Variants in BTAF1 observed in about 807,000 individuals in gnomAD.
BTAF1 encodes B-TFIID TATA-box binding protein associated factor 1.
Under a neutral mutation model 227.1 loss-of-function variants are expected in BTAF1, and 38 were observed. The ratio of observed to expected loss-of-function variants is 0.17; its 90% CI spans 0.13 to 0.22. The LOEUF is 0.22. Ranked by LOEUF, BTAF1 falls within the 10% of genes least tolerant of loss-of-function variation. The probability of loss-of-function intolerance (pLI) is 1.00; values close to 1 mark genes in which losing one functional copy is unlikely to be tolerated. For missense variants in BTAF1, 1,598 were observed against 2,204.0 expected, an observed-to-expected ratio of 0.73 and a Z score of 5.51; for synonymous variants, 742 against 751.9, an observed-to-expected ratio of 0.99 and a Z score of 0.21.
chr10:91,927,155 T>C (rs1282769188), intron 1 of BTAF1, among the ~76,000 whole-genome samples: 2 of 140,044 alleles, frequency 1.4e-5, no homozygotes, highest in East Asian at 4.2e-4. Flanking sequence ...TTTTTTTTTT[T>C]GAGACAGAGT....
intron 5 of BTAF1, among the ~76,000 whole-genome samples, chr10:91,951,771 T>A (rs1480990398): frequency 6.6e-6 from 1 of 152,174 alleles, no homozygotes; most frequent in Non-Finnish European, 1.5e-5. Flanking sequence ...TCCCAGACAC[T>A]GGACTGTTAA....
At chr10:91,973,470 T>C (rs980810452) in intron 14 of BTAF1, among the ~76,000 whole-genome samples, 1 of 152,180 alleles carries the variant, frequency 6.6e-6, no homozygotes, top group African/African-American at 2.4e-5. Flanking sequence ...TTCTGGGGTA[T>C]AGGAATGATA....
chr10:91,983,911 A>G (rs894734133), intron 18 of BTAF1, among the ~76,000 whole-genome samples: 1 of 150,366 alleles, frequency 6.7e-6, no homozygotes, highest in Non-Finnish European at 1.5e-5. Context: ...TTTTTACCAT[A>G]ATACACTTTA....
intron 14 of BTAF1, among the ~76,000 whole-genome samples, chr10:91,967,835 T>TA (rs1354963389): frequency 1.3e-5 from 2 of 152,196 alleles, no homozygotes; most frequent in Admixed American, 6.5e-5. Context: ...CCTTTGAAGT[T>TA]ACCAAATTTT....
Position 91,928,760 on chromosome 10 carries a change from T to TCCCC in BTAF1, c.14+4680_14+4683dup, listed in dbSNP as rs60208547. Among the ~76,000 whole-genome samples the TCCCC allele has an allele frequency of 6.9e-3, 766 of 111,734 alleles. 2 individuals carry two copies. The highest frequency in any genetic ancestry group is 0.014 in the African/African-American group (322 of 23,032). The allele number at this position is 111,734 out of a possible 152,430, so 73.3% of individuals were successfully genotyped here. On this transcript the variant is annotated intron_variant, in intron 1 of 37. Transcript: ENST00000265990. ...GCCTGGGCAACAGAGCAAGAATCCA[T>TCCCC]CCCCCCCCCCCCCGCCCCCCAAAAA...
rs556555703 is a variant in BTAF1 at position 91,968,965 on chromosome 10, A to G, written c.1650+2208A>G. On this transcript the variant is annotated intron_variant, in intron 14 of 37. Coordinates refer to ENST00000265990, the MANE Select transcript of BTAF1 (RefSeq NM_003972.3). Reference sequence around the variant, plus strand: ...AATCCTGAACTCGTGGGCTCAAGTGATCTTCCCATTTCAGCCTCCTGAGTA... The same window carrying G: ...AATCCTGAACTCGTGGGCTCAAGTGGTCTTCCCATTTCAGCCTCCTGAGTA... Among the ~76,000 whole-genome samples, 641 of 151,206 alleles carry G rather than the reference A, an allele frequency of 4.2e-3. 3 individuals carry two copies. Among genetic ancestry groups the G allele is most frequent in the Non-Finnish European group, 7.9e-3 (534 of 67,920 alleles).
intron 6 of BTAF1, 30 bp downstream of exon 6, chr10:91,953,903 A>G (rs771593338): frequency 1.2e-6 from 2 of 1,610,690 alleles, no homozygotes; most frequent in South Asian, 1.1e-5. Context: ...TATTCACTTA[A>G]AACAAGAGGG....
At chr10:92,028,767 T>A (rs1042178054) in intron 37 of BTAF1, 23 bp from the exon 38 acceptor site, 49 of 1,577,014 alleles carry the variant, frequency 3.1e-5, no homozygotes, top group Non-Finnish European at 3.9e-5. Flanking sequence ...TTATTTTTTT[T>A]TTTTTTGCCA....
chr10:92,006,702 A>G (rs1352617459), intron 25 of BTAF1, among the ~76,000 whole-genome samples: 1 of 152,212 alleles, frequency 6.6e-6, no homozygotes, highest in African/African-American at 2.4e-5. Context: ...AGTTAATGTG[A>G]GTTGTTTTCC....
Position 91,997,619 on chromosome 10 carries a change from A to G in BTAF1, c.3528A>G (p.Leu1176=), listed in dbSNP as rs774029740. ...CTTACTCAGGTGTAATGGAACAACT[A>G]GATGTTGGTATTGTTCCATATATTG... ...IEALACVMEQ[L]DVGIVPYIVL... The change falls in exon 25 of 38, where the codon CTA becomes CTG. Residue 1176 remains leucine, a synonymous_variant. Transcript: ENST00000265990. The G allele has an allele frequency of 1.9e-6, 3 of 1,613,342 alleles. No individual in the cohort carries two copies. Among genetic ancestry groups the G allele is most frequent in the South Asian group, 2.2e-5 (2 of 91,016 alleles).
chr10:91,989,373 G>A lies in BTAF1; in HGVS notation c.2647G>A (p.Glu883Lys). Residue 883 changes from glutamate to lysine, a missense_variant, in exon 20 of 38, where the codon GAG (glutamate) becomes AAG (lysine). Physicochemically the swap from Glu to Lys is moderately conservative, Grantham distance 56 (BLOSUM62 1). Coordinates refer to ENST00000265990, the MANE Select transcript of BTAF1 (RefSeq NM_003972.3). Reference sequence around the variant, plus strand: ...AAATCCTATCATAAAACCATTAATGGAGACAATTAAAAAAGAAGAGAATAC... The same window carrying A: ...AAATCCTATCATAAAACCATTAATGAAGACAATTAAAAAAGAAGAGAATAC... ...KLNPIIKPLM[E>K]TIKKEENTLV... 6.2e-7 allele frequency: 1 copy of A among 1,614,124 alleles called. No homozygotes were observed. The highest frequency in any genetic ancestry group is 8.5e-7 in the Non-Finnish European group (1 of 1,180,022).
intron 24 of BTAF1, 123 bp downstream of exon 24, chr10:91,996,693 A>G (rs1589916875): frequency 1.2e-6 from 1 of 849,428 alleles, no homozygotes; most frequent in Non-Finnish European, 1.8e-6. Flanking sequence ...AAAAATACCT[A>G]TTCTTTTTAC....
Position 91,989,180 on chromosome 10 carries a change from A to G in BTAF1, c.2454A>G (p.Thr818=). The change falls in exon 20 of 38, where the codon ACA becomes ACG. Residue 818 remains threonine, a synonymous_variant. Transcript: ENST00000265990. ...TCACTACTGTTTTTAATGAAGCCAC[A>G]TCATCTTTCGATTTAAATCCTCAAG... ...DLVTTVFNEA[T]SSFDLNPQVL... 6.2e-7 allele frequency: 1 copy of G among 1,613,584 alleles called. No homozygotes were observed.
Position 91,970,212 on chromosome 10 carries a change from G to T in BTAF1, c.1650+3455G>T, listed in dbSNP as rs558657030. 6.8e-4 allele frequency among the ~76,000 whole-genome samples: 103 copies of T among 151,128 alleles called. 2 individuals are homozygous for T. In the South Asian group the frequency reaches 0.021, roughly 31 times the overall value. On this transcript the variant is annotated intron_variant, in intron 14 of 37. Transcript: ENST00000265990. Reference sequence around the variant, plus strand: ...CCTATACCAGAATGCCATTGTCTTTGTATGTAATTTGTGGCATGTTAGCCA... The same window carrying T: ...CCTATACCAGAATGCCATTGTCTTTTTATGTAATTTGTGGCATGTTAGCCA...
intron 9 of BTAF1, 63 bp from the exon 10 acceptor site, chr10:91,959,718 ATGTG>A (rs5786980): frequency 1.7e-4 from 59 of 346,554 alleles, no homozygotes; most frequent in African/African-American, 9.5e-4. Context: ...TGTTAAAAAA[ATGTG>A]TGTGTGTGTG....
intron 32 of BTAF1, 148 bp downstream of exon 32, chr10:92,014,177 G>C: frequency 1.1e-6 from 1 of 875,796 alleles, no homozygotes; most frequent in Non-Finnish European, 1.7e-6. Context: ...AAGTTTGAGT[G>C]TATGCATTTT....
At position 92,008,285 on chromosome 10, in the gene BTAF1, A is replaced by T. The variant is rs1399050606; in HGVS notation, c.3813+10A>T. The T allele has an allele frequency of 6.4e-7, 1 of 1,558,226 alleles. No individual in the cohort carries two copies. Among genetic ancestry groups the T allele is most frequent in the Non-Finnish European group, 8.6e-7 (1 of 1,162,766 alleles). On this transcript the variant is annotated intron_variant, in intron 26 of 37. Coordinates refer to ENST00000265990, the MANE Select transcript of BTAF1 (RefSeq NM_003972.3). ...CAGAAAATATCAGCAGGTAAGTTTT[A>T]TACAATAGTGAGTTTTCCTTTCAAA...
intron 26 of BTAF1, 149 bp downstream of exon 26, chr10:92,008,424 G>A: frequency 1.3e-6 from 1 of 751,532 alleles, no homozygotes; most frequent in South Asian, 2.4e-5. Flanking sequence ...GTTCACTGCA[G>A]CCTCAAACTC....
chr10:91,941,576 A>C (rs113125731), intron 3 of BTAF1, among the ~76,000 whole-genome samples: 1,786 of 152,332 alleles, frequency 0.012, 32 homozygotes, highest in African/African-American at 0.04. Flanking sequence ...TTATTTGCCC[A>C]GAGTATGAGA....
Sources: gnomAD v4.1 joint callset for allele counts (sites outside exome capture counted in the v4.1 genomes callset) on GRCh38, gnomAD v4.1.1 for gene constraint, MANE v1.5 for transcripts, NCBI Gene and HGNC (gene_info 2026-07-23, HGNC 2026-07-21) for gene names.